The following PDLIM5 variants were observed in gnomAD, a reference collection of about 807,000 sequenced individuals.
PDLIM5 encodes the protein PDZ and LIM domain 5.
In PDLIM5, 34 loss-of-function variants were observed where a neutral mutation model predicts 64.2. The ratio of observed to expected loss-of-function variants is 0.53; its 90% CI spans 0.40 to 0.71. The LOEUF (loss-of-function observed/expected upper bound fraction) is 0.71. Among genes scored for constraint, PDLIM5 ranks in the 30% least tolerant of loss-of-function variants. The pLI is 0.00. For synonymous variants in PDLIM5, 253 were observed against 269.1 expected (o/e 0.94, Z 0.59); for missense variants, 683 against 733.6 (o/e 0.93, Z 0.80).
intron 2 of PDLIM5, among the ~76,000 whole-genome samples, chr4:94,511,028 C>T (rs1361228055): frequency 2.0e-5 from 3 of 152,126 alleles, no homozygotes; most frequent in African/African-American, 7.2e-5. Context: ...ATATTTATCA[C>T]CTCTTAGAAT....
chr4:94,527,876 A>AT (rs1180539500), intron 3 of PDLIM5, among the ~76,000 whole-genome samples: 1 of 152,220 alleles, frequency 6.6e-6, no homozygotes, highest in African/African-American at 2.4e-5. Context: ...TATTGCTTCC[A>AT]AAGAAAGTTA....
At chr4:94,475,982 C>T (rs965512138) in intron 2 of PDLIM5, among the ~76,000 whole-genome samples, 1 of 152,146 alleles carries the variant, frequency 6.6e-6, no homozygotes, top group Admixed American at 6.5e-5. Context: ...TCTCTTAAAA[C>T]ACACACAATC....
chr4:94,538,502 A>G (rs1238806464), intron 3 of PDLIM5, among the ~76,000 whole-genome samples: 1 of 152,160 alleles, frequency 6.6e-6, no homozygotes, highest in Non-Finnish European at 1.5e-5. Context: ...GGAAGAACAG[A>G]TTGGTATTAA....
At chr4:94,582,041 A>G (rs3805264) in intron 5 of PDLIM5, among the ~76,000 whole-genome samples, 54,737 of 152,054 alleles carry the variant, frequency 0.36, 11,958 homozygotes, top group South Asian at 0.68. Context: ...GAGTAAGAAA[A>G]TTGAGTGATA....
chr4:94,587,644 T>G (rs1435953625), intron 7 of PDLIM5: 17 of 979,810 alleles, frequency 1.7e-5, no homozygotes, highest in Non-Finnish European at 1.9e-5. Context: ...GTAGGTACTA[T>G]TCAGGATGGC....
chr4:94,610,208 G>A (rs750105003), intron 7 of PDLIM5: 16 of 1,525,056 alleles, frequency 1.0e-5, no homozygotes, highest in Middle Eastern at 1.7e-4. Flanking sequence ...GAAGGTTTTC[G>A]AAACTTTTCT....
chr4:94,578,246 G>A (rs1003323733), intron 5 of PDLIM5, among the ~76,000 whole-genome samples: 9 of 152,120 alleles, frequency 5.9e-5, no homozygotes, highest in African/African-American at 1.9e-4. Context: ...CACAGCTTTG[G>A]TGATAAAACT....
At chr4:94,471,900 A>ACC (rs1179187447) in intron 2 of PDLIM5, among the ~76,000 whole-genome samples, 178 of 152,204 alleles carry the variant, frequency 1.2e-3, no homozygotes, top group Non-Finnish European at 2.0e-3. Flanking sequence ...ACTTACAAAG[A>ACC]TCTTATAAGT....
chr4:94,562,251 A>G (rs900930743), intron 3 of PDLIM5, among the ~76,000 whole-genome samples: 1 of 152,084 alleles, frequency 6.6e-6, no homozygotes, highest in African/African-American at 2.4e-5. Context: ...TGAGGCTTAT[A>G]TATTCAGTTT....
chr4:94,476,740 T>C (rs1367153473), intron 2 of PDLIM5, among the ~76,000 whole-genome samples: 1 of 152,156 alleles, frequency 6.6e-6, no homozygotes, highest in Non-Finnish European at 1.5e-5. Context: ...AGGCAGGATA[T>C]CCCAACTCTT....
chr4:94,573,096 T>G (rs772628129), intron 3 of PDLIM5, among the ~76,000 whole-genome samples: 2 of 152,218 alleles, frequency 1.3e-5, no homozygotes, highest in Non-Finnish European at 2.9e-5. Context: ...TGTTTGTCAT[T>G]CCTCAGCTGA....
chr4:94,462,517 A>T (rs1048608485), intron 2 of PDLIM5, among the ~76,000 whole-genome samples: 9 of 152,072 alleles, frequency 5.9e-5, no homozygotes, highest in Non-Finnish European at 8.8e-5. Flanking sequence ...TTCTAGTCTT[A>T]TGCTTTTACT....
chr4:94,556,316 T>A (rs1272288151), intron 3 of PDLIM5, among the ~76,000 whole-genome samples: 1 of 152,126 alleles, frequency 6.6e-6, no homozygotes, highest in East Asian at 1.9e-4. Flanking sequence ...TGATGGACAT[T>A]TGGGTTGGTT....
intron 8 of PDLIM5, among the ~76,000 whole-genome samples, chr4:94,630,999 C>A (rs928164237): frequency 6.6e-6 from 1 of 152,002 alleles, no homozygotes; most frequent in Admixed American, 6.5e-5. Flanking sequence ...CCTTGAGCTC[C>A]TGGACTCAAG....
chr4:94,456,838 T>C, intron 2 of PDLIM5: 1 of 1,126,234 alleles, frequency 8.9e-7, no homozygotes, highest in Non-Finnish European at 1.1e-6. Flanking sequence ...TATCAAGTGC[T>C]GTGAATGCAT....
At chr4:94,539,258 A>G (rs929203946) in intron 3 of PDLIM5, among the ~76,000 whole-genome samples, 3 of 152,178 alleles carry the variant, frequency 2.0e-5, no homozygotes, top group Admixed American at 2.0e-4. Context: ...GTCTATGTAT[A>G]ATATATATGT....
At chr4:94,502,170 T>C (rs1727986174) in intron 2 of PDLIM5, among the ~76,000 whole-genome samples, 1 of 152,204 alleles carries the variant, frequency 6.6e-6, no homozygotes, top group Non-Finnish European at 1.5e-5. Context: ...TGTGTGATGT[T>C]TGGAAATAGC....
chr4:94,506,372 G>A (rs895277208), intron 2 of PDLIM5, among the ~76,000 whole-genome samples: 5 of 152,062 alleles, frequency 3.3e-5, no homozygotes, highest in Admixed American at 6.6e-5. Flanking sequence ...ATTTATAAAC[G>A]ACATTATTTT....
intron 2 of PDLIM5, among the ~76,000 whole-genome samples, chr4:94,513,015 G>C (rs1242461695): frequency 6.6e-6 from 1 of 152,132 alleles, no homozygotes; most frequent in Non-Finnish European, 1.5e-5. Flanking sequence ...GTATGGTCTT[G>C]GCACTTCTGT....
Sources: gnomAD v4.1 joint callset for allele counts (sites outside exome capture counted in the v4.1 genomes callset) on GRCh38, gnomAD v4.1.1 for gene constraint, MANE v1.5 for transcripts, NCBI Gene and HGNC (gene_info 2026-07-23, HGNC 2026-07-21) for gene names.